Variants in DCLK1 observed in about 807,000 individuals in gnomAD.
The protein encoded by DCLK1 is doublecortin like kinase 1.
Under a neutral mutation model 86.2 loss-of-function variants are expected in DCLK1, and 16 were observed. That is an observed-to-expected ratio of 0.19 (90% CI 0.13 to 0.28). The LOEUF (loss-of-function observed/expected upper bound fraction) is 0.28. Ranked by LOEUF, DCLK1 falls within the 10% of genes least tolerant of loss-of-function variation. The pLI, the probability that DCLK1 is intolerant of heterozygous loss-of-function variation, is 1.00. For missense variants in DCLK1, 590 were observed against 940.2 expected, an observed-to-expected ratio of 0.63 and a Z score of 4.87; for synonymous variants, 369 against 370.5, an observed-to-expected ratio of 1.00 and a Z score of 0.05.
At chr13:35,829,388 C>T (rs574416524) in intron 8 of DCLK1, among the ~76,000 whole-genome samples, 2 of 152,252 alleles carry the variant, frequency 1.3e-5, no homozygotes, top group African/African-American at 4.8e-5. Flanking sequence ...GAGAGCCTAG[C>T]TTTTTACCTA....
chr13:35,825,636 A>G (rs1444975634), intron 10 of DCLK1, among the ~76,000 whole-genome samples: 3 of 152,176 alleles, frequency 2.0e-5, no homozygotes, highest in Non-Finnish European at 4.4e-5. Context: ...CTAACAGCAC[A>G]TAGAAGGGCA....
intron 4 of DCLK1, among the ~76,000 whole-genome samples, chr13:35,910,278 G>A (rs1874936550): frequency 1.3e-5 from 2 of 152,182 alleles, no homozygotes; most frequent in African/African-American, 4.8e-5. Context: ...AGCGATTGAG[G>A]AGACATTGTT....
intron 3 of DCLK1, among the ~76,000 whole-genome samples, chr13:35,975,124 T>A (rs1879270432): frequency 6.6e-6 from 1 of 152,104 alleles, no homozygotes; most frequent in South Asian, 2.1e-4. Context: ...AGGTCAGGTC[T>A]TACACCAATC....
At chr13:36,079,655 G>A (rs1449087242) in intron 3 of DCLK1, among the ~76,000 whole-genome samples, 1 of 151,936 alleles carries the variant, frequency 6.6e-6, no homozygotes, top group Non-Finnish European at 1.5e-5. Flanking sequence ...ATAACCTCAA[G>A]TTCTGAAGAC....
At chr13:36,001,312 A>T (rs1880705029) in intron 3 of DCLK1, among the ~76,000 whole-genome samples, 1 of 152,218 alleles carries the variant, frequency 6.6e-6, no homozygotes, top group South Asian at 2.1e-4. Flanking sequence ...AACAGCAAAA[A>T]ACAATGCTAC....
At chr13:35,827,545 A>G in intron 10 of DCLK1, 90 bp downstream of exon 10, 1 of 1,479,088 alleles carries the variant, frequency 6.8e-7, no homozygotes, top group Non-Finnish European at 9.3e-7. Context: ...GAACCTGAAT[A>G]CTGATGGGAG....
chr13:36,090,413 T>C (rs191845231), intron 3 of DCLK1, among the ~76,000 whole-genome samples: 53 of 151,944 alleles, frequency 3.5e-4, no homozygotes, highest in African/African-American at 1.3e-3. Flanking sequence ...AGACACTTAG[T>C]ATTAGAAGCA....
rs367728150 is a variant in DCLK1 at position 35,828,310 on chromosome 13, G to A, written c.1230-3C>T. On this transcript the variant is annotated splice_region_variant and splice_polypyrimidine_tract_variant and intron_variant, in intron 8 of 16. Transcript: ENST00000360631. ...GAGCATACTCTCTAGCAGTCGATCT[G>A]CGAAGAGAAAGTTCATGTTTTTAAA... 2.5e-6 allele frequency: 4 copies of A among 1,602,980 alleles called. No individual in the cohort carries two copies. The highest frequency in any genetic ancestry group is 3.4e-6 in the Non-Finnish European group (4 of 1,177,490).
intron 15 of DCLK1, among the ~76,000 whole-genome samples, chr13:35,798,673 C>A (rs923613929): frequency 6.6e-6 from 1 of 152,134 alleles, no homozygotes; most frequent in African/African-American, 2.4e-5. Context: ...AGAGCAAGGA[C>A]AGGATAAAAT....
At chr13:36,045,140 G>C (rs1012195455) in intron 3 of DCLK1, among the ~76,000 whole-genome samples, 2 of 150,280 alleles carry the variant, frequency 1.3e-5, no homozygotes, top group Non-Finnish European at 3.0e-5. Flanking sequence ...TTGAAAAAAT[G>C]TTTATAGTGA....
At chr13:35,931,132 T>G (rs752438470) in intron 4 of DCLK1, among the ~76,000 whole-genome samples, 1 of 152,224 alleles carries the variant, frequency 6.6e-6, no homozygotes, top group African/African-American at 2.4e-5. Flanking sequence ...TTTCATTTGT[T>G]TTCATTTTAT....
chr13:35,851,450 G>C (rs543619061), intron 6 of DCLK1, among the ~76,000 whole-genome samples: 5 of 151,556 alleles, frequency 3.3e-5, no homozygotes, highest in Admixed American at 1.3e-4. Flanking sequence ...TGCAGAGAGC[G>C]TCTAGAGTTG....
In DCLK1 at chr13:35,879,817, C is replaced by T. The variant is rs531721415; in HGVS notation, c.824-8477G>A. Among the ~76,000 whole-genome samples, 3 of 152,284 alleles carry T rather than the reference C, an allele frequency of 2.0e-5. No individual in the cohort carries two copies. The East Asian group carries it at 5.8e-4, about 29-fold the overall frequency. ...TTTCCTTTTTCCCACATGTCATTTG[C>T]ACTTTTTTGTGCCAGTTGCTAGTGG... On this transcript the variant is annotated intron_variant, in intron 4 of 16. Transcript: ENST00000360631.
intron 3 of DCLK1, among the ~76,000 whole-genome samples, chr13:35,963,593 C>A (rs1378826664): frequency 6.6e-6 from 1 of 152,118 alleles, no homozygotes; most frequent in Admixed American, 6.5e-5. Context: ...AAATTATTAT[C>A]ACGGATAACA....
rs541692456 is a variant in DCLK1 at position 35,991,596 on chromosome 13, C to T, written c.724-44139G>A. On this transcript the variant is annotated intron_variant, in intron 3 of 16. Transcript: ENST00000360631. ...GGAGGATCACTTGAGCCTAAGAGGT[C>T]GAGGCTGCAGTGAGCTGTGATCATA... 2.6e-4 allele frequency among the ~76,000 whole-genome samples: 40 copies of T among 152,200 alleles called. No homozygotes were observed. In the South Asian group the frequency reaches 5.8e-3, roughly 22 times the overall value.
At chr13:36,072,351 G>T (rs1884009512) in intron 3 of DCLK1, among the ~76,000 whole-genome samples, 1 of 152,136 alleles carries the variant, frequency 6.6e-6, no homozygotes, top group Non-Finnish European at 1.5e-5. Context: ...TTATACGGGT[G>T]CCCTTTCTTT....
intron 3 of DCLK1, among the ~76,000 whole-genome samples, chr13:36,037,666 T>G (rs1882555744): frequency 6.6e-6 from 1 of 152,036 alleles, no homozygotes; most frequent in African/African-American, 2.4e-5. Context: ...GTATTTTTAG[T>G]AGAGACGGAG....
At chr13:36,013,616 C>T (rs1254285553) in intron 3 of DCLK1, among the ~76,000 whole-genome samples, 4 of 152,040 alleles carry the variant, frequency 2.6e-5, no homozygotes. Flanking sequence ...CTGGGAGAAC[C>T]ACTGCTCTCT....
At chr13:35,947,858 A>T (rs771422049) in intron 3 of DCLK1, among the ~76,000 whole-genome samples, 6 of 152,236 alleles carry the variant, frequency 3.9e-5, no homozygotes, top group Non-Finnish European at 8.8e-5. Flanking sequence ...GCTGTCATAT[A>T]CACACGATAA....
Sources: gnomAD v4.1 joint callset for allele counts (sites outside exome capture counted in the v4.1 genomes callset) on GRCh38, gnomAD v4.1.1 for gene constraint, MANE v1.5 for transcripts, NCBI Gene and HGNC (gene_info 2026-07-23, HGNC 2026-07-21) for gene names.